CNTLN: variants seen among roughly 807,000 people sequenced by gnomAD.
CNTLN encodes the protein centlein, also known as centlein, centrosomal protein.
In CNTLN, 212 loss-of-function variants were observed where a neutral mutation model predicts 180.0. The ratio of observed to expected loss-of-function variants is 1.18; its 90% CI spans 1.05 to 1.32. The LOEUF is 1.32. Ranked by LOEUF, CNTLN falls within the 40% of genes most tolerant of loss-of-function variation. The probability of loss-of-function intolerance (pLI) is 0.00; values close to 1 mark genes in which losing one functional copy is unlikely to be tolerated. For missense variants in CNTLN, 2,095 were observed against 1,610.9 expected (o/e 1.30, Z -5.14); for synonymous variants, 722 against 563.1 (o/e 1.28, Z -3.99).
chr9:17,306,218 C>T (rs1818703431), intron 7 of CNTLN, among the ~76,000 whole-genome samples: 1 of 146,544 alleles, frequency 6.8e-6, no homozygotes, highest in Admixed American at 7.0e-5. Context: ...GGCACGATCT[C>T]ATCTCATTGC....
At chr9:17,308,937 C>G (rs1818930925) in intron 7 of CNTLN, 121 bp from the exon 8 acceptor site, 6 of 471,462 alleles carry the variant, frequency 1.3e-5, no homozygotes, top group Non-Finnish European at 1.7e-5. Flanking sequence ...ATTAAAATAA[C>G]CTGAGGGCAA....
At chr9:17,251,029 G>A (rs550097634) in intron 5 of CNTLN, among the ~76,000 whole-genome samples, 19 of 151,908 alleles carry the variant, frequency 1.3e-4, no homozygotes, top group Non-Finnish European at 2.4e-4. Context: ...AAAATTCAAG[G>A]TTAATATTTG....
At chr9:17,526,911 G>T in the CNTLN span, among the ~76,000 whole-genome samples, 7 of 151,670 alleles carry the variant, frequency 4.6e-5, no homozygotes, top group Non-Finnish European at 7.4e-5. Flanking sequence ...GCGGAGTCTC[G>T]CTGTCGCCCA....
chr9:17,356,858 C>T (rs1236049545), intron 12 of CNTLN, among the ~76,000 whole-genome samples: 6 of 151,960 alleles, frequency 3.9e-5, no homozygotes, highest in Non-Finnish European at 5.9e-5. Flanking sequence ...TGTTTTTCCC[C>T]TTATTCTTTC....
At chr9:17,304,945 G>T (rs1349202835) in intron 7 of CNTLN, among the ~76,000 whole-genome samples, 1 of 152,006 alleles carries the variant, frequency 6.6e-6, no homozygotes, top group Non-Finnish European at 1.5e-5. Flanking sequence ...AAACAATATT[G>T]TGGATAATGA....
chr9:17,416,101 T>C lies in CNTLN; in HGVS notation c.3026T>C (p.Val1009Ala). 1 of 1,613,566 alleles carries C rather than the reference T, an allele frequency of 6.2e-7. No homozygotes were observed. Among genetic ancestry groups the C allele is most frequent in the Non-Finnish European group, 8.5e-7 (1 of 1,179,738 alleles). The part of the protein sequence containing the change: ...QNAKKTAELS[V>A]KEYKEVNEKL... ...GCCAAGAAAACAGCAGAATTGTCTG[T>C]TAAAGAATATAAAGAAGTTAATGAA... Residue 1009 changes from valine to alanine, a missense_variant, in exon 18 of 26, where the codon GTT becomes GCT. Coordinates refer to ENST00000380647, the MANE Select transcript of CNTLN (RefSeq NM_017738.4).
chr9:17,488,902 T>C (rs988679531), intron 25 of CNTLN, among the ~76,000 whole-genome samples: 2 of 152,164 alleles, frequency 1.3e-5, no homozygotes, highest in Admixed American at 1.3e-4. Context: ...GTTGCTGTTA[T>C]ACGTAATGAA....
At chr9:17,212,405 C>T (rs1165830187) in intron 2 of CNTLN, among the ~76,000 whole-genome samples, 1 of 152,104 alleles carries the variant, frequency 6.6e-6, no homozygotes, top group African/African-American at 2.4e-5. Flanking sequence ...GGGGTGAAGC[C>T]CACTTGATCA....
downstream of CNTLN, among the ~76,000 whole-genome samples, chr9:17,504,900 A>G (rs1176769895): frequency 3.3e-5 from 5 of 152,160 alleles, no homozygotes; most frequent in Non-Finnish European, 4.4e-5. Context: ...AATACATTTT[A>G]TCTAATTTAA....
At chr9:17,263,400 C>G (rs1455795814) in intron 5 of CNTLN, among the ~76,000 whole-genome samples, 1 of 150,956 alleles carries the variant, frequency 6.6e-6, no homozygotes, top group Non-Finnish European at 1.5e-5. Flanking sequence ...GCATAGTATT[C>G]CATGGTGTAT....
chr9:17,222,502 T>C (rs1824205606), intron 2 of CNTLN, among the ~76,000 whole-genome samples: 1 of 152,026 alleles, frequency 6.6e-6, no homozygotes, highest in Admixed American at 6.6e-5. Flanking sequence ...GCAAGGGAGA[T>C]CTGATGGTTT....
chr9:17,378,404 C>G (rs1306466915), intron 13 of CNTLN, among the ~76,000 whole-genome samples: 3 of 152,128 alleles, frequency 2.0e-5, no homozygotes, highest in Admixed American at 2.0e-4. Flanking sequence ...TGGTCTCGAT[C>G]TCCTGATCTC....
chr9:17,294,291 G>C (rs1037302299), intron 6 of CNTLN, among the ~76,000 whole-genome samples: 3 of 151,978 alleles, frequency 2.0e-5, no homozygotes, highest in African/African-American at 7.2e-5. Context: ...TGTCTTATCT[G>C]GCCCCACCCA....
chr9:17,205,697 A>T (rs951925802), intron 2 of CNTLN, among the ~76,000 whole-genome samples: 3 of 152,182 alleles, frequency 2.0e-5, no homozygotes, highest in African/African-American at 7.2e-5. Context: ...TACTACTTGG[A>T]TGCCCCAATG....
At chr9:17,472,247 G>A (rs928032179) in intron 23 of CNTLN, among the ~76,000 whole-genome samples, 5 of 152,000 alleles carry the variant, frequency 3.3e-5, no homozygotes, top group African/African-American at 9.7e-5. Flanking sequence ...TGGAATTCCT[G>A]TATTATTCAT....
intron 4 of CNTLN, 83 bp from the exon 5 acceptor site, chr9:17,236,326 A>G: frequency 8.6e-7 from 1 of 1,166,750 alleles, no homozygotes; most frequent in Non-Finnish European, 1.2e-6. Context: ...CACAGTTTGT[A>G]TTTGCTGATT....
intron 2 of CNTLN, among the ~76,000 whole-genome samples, chr9:17,210,891 T>C: frequency 6.6e-6 from 1 of 152,202 alleles, no homozygotes; most frequent in South Asian, 2.1e-4. Context: ...TGCCCACTTT[T>C]TGATGGGGTT....
chr9:17,193,618 C>A (rs573638163), intron 2 of CNTLN, among the ~76,000 whole-genome samples: 2 of 152,168 alleles, frequency 1.3e-5, no homozygotes, highest in African/African-American at 4.8e-5. Flanking sequence ...CAGGGTCCAG[C>A]CTCCCTCCCA....
chr9:17,365,778 AC>A (rs1450933528), intron 12 of CNTLN, among the ~76,000 whole-genome samples: 1 of 151,906 alleles, frequency 6.6e-6, no homozygotes, highest in Non-Finnish European at 1.5e-5. Context: ...ACTTGGTAAA[AC>A]CCTGATTGTA....
Sources: gnomAD v4.1 joint callset for allele counts (sites outside exome capture counted in the v4.1 genomes callset) on GRCh38, gnomAD v4.1.1 for gene constraint, MANE v1.5 for transcripts, NCBI Gene and HGNC (gene_info 2026-07-23, HGNC 2026-07-21) for gene names.